PARK7: variants seen among roughly 807,000 people sequenced by gnomAD.
The protein encoded by PARK7 is Parkinson disease protein 7.
PARK7 carries 14 observed loss-of-function variants against 20.5 expected under a neutral mutation model. That is an observed-to-expected ratio of 0.68 (90% CI 0.45 to 1.07). PARK7 has a LOEUF of 1.07. Ranked by LOEUF, PARK7 falls within the 50% of genes least tolerant of loss-of-function variation. PARK7 has a pLI of 0.00. For synonymous variants in PARK7, 98 were observed against 84.3 expected (o/e 1.16, Z -0.89); for missense variants, 234 against 238.1 (o/e 0.98, Z 0.11).
rs980065875 is a variant in PARK7 at position 7,976,429 on chromosome 1, G to A, written c.323-1223G>A. 6.6e-5 allele frequency among the ~76,000 whole-genome samples: 10 copies of A among 152,106 alleles called. No homozygotes were observed. The East Asian group carries it at 1.7e-3, about 26-fold the overall frequency. ...ATCCTTATTTAGGACCATTACATAC[G>A]CAATATGCTTGTGACCCTCCCTGAA... On this transcript the variant is annotated intron_variant, in intron 5 of 6. Transcript: ENST00000338639.
chr1:7,966,824 G>A (rs1026524785), intron 3 of PARK7, among the ~76,000 whole-genome samples: 2 of 152,158 alleles, frequency 1.3e-5, no homozygotes, highest in Non-Finnish European at 2.9e-5. Context: ...GATAATAAGT[G>A]TACATATTCA....
At chr1:7,975,418 T>A (rs1210728505) in intron 5 of PARK7, among the ~76,000 whole-genome samples, 2 of 151,770 alleles carry the variant, frequency 1.3e-5, no homozygotes, top group South Asian at 2.1e-4. Context: ...AGCTGGGGAG[T>A]TGGCAGAGGT....
intron 6 of PARK7, 49 bp downstream of exon 6, chr1:7,977,787 T>G: frequency 2.7e-6 from 4 of 1,456,142 alleles, no homozygotes; most frequent in Non-Finnish European, 3.8e-6. Flanking sequence ...TGAGATGGAG[T>G]CTCGCTCCAT....
chr1:7,970,130 G>A (rs1640433208), intron 4 of PARK7, among the ~76,000 whole-genome samples: 1 of 152,118 alleles, frequency 6.6e-6, no homozygotes, highest in Non-Finnish European at 1.5e-5. Flanking sequence ...AGGGATTTGA[G>A]GCTGCAGTGA....
chr1:7,980,417 A>G (rs1640686791), intron 6 of PARK7, among the ~76,000 whole-genome samples: 1 of 152,162 alleles, frequency 6.6e-6, no homozygotes, highest in Admixed American at 6.5e-5. Context: ...GGTCAGGCAT[A>G]GAAAAAGATC....
At chr1:7,979,761 CA>C (rs796747224) in intron 6 of PARK7, among the ~76,000 whole-genome samples, 8 of 152,316 alleles carry the variant, frequency 5.3e-5, no homozygotes, top group South Asian at 2.1e-4. Context: ...CTTGGCCTCC[CA>C]AAGTACTAGG....
chr1:7,983,804 C>G (rs1037722806), intron 6 of PARK7, among the ~76,000 whole-genome samples: 1 of 152,182 alleles, frequency 6.6e-6, no homozygotes, highest in African/African-American at 2.4e-5. Context: ...GAAAGGAGAT[C>G]GAGTCAAGAA....
chr1:7,981,919 A>G (rs1034977093), intron 6 of PARK7, among the ~76,000 whole-genome samples: 5 of 137,736 alleles, frequency 3.6e-5, no homozygotes, highest in African/African-American at 1.4e-4. Flanking sequence ...CGGCTTCCCC[A>G]TGTGCTGGGA....
intron 5 of PARK7, among the ~76,000 whole-genome samples, chr1:7,976,668 C>T (rs1286725930): frequency 6.6e-6 from 1 of 152,208 alleles, no homozygotes; most frequent in Non-Finnish European, 1.5e-5. Context: ...TACCACCTGG[C>T]ATACTTGGGT....
At chr1:7,979,575 A>G (rs1447318300) in intron 6 of PARK7, among the ~76,000 whole-genome samples, 1 of 152,172 alleles carries the variant, frequency 6.6e-6, no homozygotes, top group African/African-American at 2.4e-5. Context: ...ATCTCAGTTC[A>G]TTGTAACCTC....
rs546516459 is a variant in PARK7, at chr1:7,984,410, C to T, written c.410-484C>T. Among the ~76,000 whole-genome samples, 1 of 152,320 alleles carries T rather than the reference C, an allele frequency of 6.6e-6. No homozygotes were observed. The highest frequency in any genetic ancestry group is 2.1e-4 in the South Asian group (1 of 4,830). On this transcript the variant is annotated intron_variant, in intron 6 of 6. Coordinates refer to ENST00000338639, the MANE Select transcript of PARK7 (RefSeq NM_007262.5). This position sits in a 1 kb window ranked among gnomAD's most constrained non-coding sequence, Gnocchi z 4.3. ...TCCTTGAGAGGGAATGTGGTTTCTA[C>T]CTGCACACGCACACTCACATGCATA...
chr1:7,969,746 A>C (rs577275586), intron 4 of PARK7, among the ~76,000 whole-genome samples: 1 of 152,148 alleles, frequency 6.6e-6, no homozygotes, highest in Non-Finnish European at 1.5e-5. Flanking sequence ...TGCCCTGCTA[A>C]TTTTTATATT....
At chr1:7,967,156 A>G (rs1640347530) in intron 3 of PARK7, among the ~76,000 whole-genome samples, 1 of 152,212 alleles carries the variant, frequency 6.6e-6, no homozygotes. Flanking sequence ...CATATGAGTG[A>G]GAACATGGAG....
At chr1:7,977,772 T>G (rs1032154064) in intron 6 of PARK7, 34 bp downstream of exon 6, 1 of 1,585,730 alleles carries the variant, frequency 6.3e-7, no homozygotes, top group Non-Finnish European at 8.7e-7. Context: ...TGTTTGTTTG[T>G]TTTTTGAGAT....
chr1:7,968,426 G>T (rs1444059448), intron 3 of PARK7, among the ~76,000 whole-genome samples: 10 of 151,700 alleles, frequency 6.6e-5, no homozygotes, highest in South Asian at 2.1e-4. Flanking sequence ...AGGATTTTTT[G>T]GGGGGGATAC....
intron 5 of PARK7, among the ~76,000 whole-genome samples, chr1:7,974,404 C>T (rs1003609252): frequency 2.6e-5 from 4 of 151,914 alleles, no homozygotes; most frequent in Non-Finnish European, 5.9e-5. Context: ...CCGAGGCGTG[C>T]GGATCACAAG....
chr1:7,969,211 T>C, intron 3 of PARK7, 134 bp from the exon 4 acceptor site: 1 of 700,454 alleles, frequency 1.4e-6, no homozygotes, highest in Admixed American at 2.8e-5. Context: ...TTAATTTATT[T>C]AACTGTTCTA....
Position 7,984,857 on chromosome 1 carries a change from C to G in PARK7, c.410-37C>G. The G allele has an allele frequency of 6.2e-7, 1 of 1,611,522 alleles. No individual in the cohort carries two copies. Among genetic ancestry groups the G allele is most frequent in the Non-Finnish European group, 8.5e-7 (1 of 1,177,834 alleles). ...GTAATCGTCTTTCTCGTCACATAGCCCATTAGGATGTCACCTTTTCTGTTT... is the reference window on the plus strand; with the variant it reads ...GTAATCGTCTTTCTCGTCACATAGCGCATTAGGATGTCACCTTTTCTGTTT... On this transcript the variant is annotated intron_variant, in intron 6 of 6. Transcript: ENST00000338639. The surrounding 1 kb of genome is among the most constrained non-coding windows in gnomAD (Gnocchi z 4.3).
intron 5 of PARK7, among the ~76,000 whole-genome samples, chr1:7,976,059 T>C (rs146110971): frequency 1.3e-5 from 2 of 152,344 alleles, no homozygotes; most frequent in African/African-American, 2.4e-5. Context: ...AGTATTTGTG[T>C]GATCTTCCTG....
Sources: allele counts gnomAD v4.1 joint callset (sites outside exome capture counted in the v4.1 genomes callset), GRCh38; gene constraint gnomAD v4.1.1; non-coding constraint Gnocchi (gnomAD v3.1); transcripts MANE v1.5; gene names NCBI Gene and HGNC (gene_info 2026-07-23, HGNC 2026-07-21).